EMC8: variants seen among roughly 807,000 people sequenced by gnomAD.
EMC8 encodes the protein COX4 neighbor.
Under a neutral mutation model 24.3 loss-of-function variants are expected in EMC8, and 11 were observed. That is an observed-to-expected ratio of 0.45 (90% CI 0.28 to 0.75). EMC8 has a LOEUF of 0.75. Among genes scored for constraint, EMC8 ranks in the 30% least tolerant of loss-of-function variants. The pLI is 0.12. For synonymous variants in EMC8, 145 were observed against 117.7 expected, an observed-to-expected ratio of 1.23 and a Z score of -1.50; for missense variants, 277 against 282.7, an observed-to-expected ratio of 0.98 and a Z score of 0.14.
At chr16:85,797,029 G>C (rs546987506) in intron 1 of EMC8, among the ~76,000 whole-genome samples, 2 of 152,172 alleles carry the variant, frequency 1.3e-5, no homozygotes, top group Non-Finnish European at 1.5e-5. Flanking sequence ...GAATAATCCC[G>C]CATAAATGCT....
chr16:85,781,157 G>A, intron 3 of EMC8, 54 bp downstream of exon 3: 1 of 1,287,126 alleles, frequency 7.8e-7, no homozygotes, highest in South Asian at 1.2e-5. Context: ...GCAAGCTCCA[G>A]GTTGGTGAGA....
In EMC8 at chr16:85,799,032, C is replaced by G. The variant is rs565246656; in HGVS notation, c.231+33G>C. On this transcript the variant is annotated intron_variant, in intron 1 of 4. Transcript: ENST00000253457. The surrounding 1 kb of genome is among the most constrained non-coding windows in gnomAD (Gnocchi z 4.2). ...TGCTGACTGAGGGGAGGCCAGGCTG[C>G]CTGCAAGGGGAAGGGGCCCTTTCCG... 94 of 1,424,690 alleles carry G rather than the reference C, an allele frequency of 6.6e-5. No individual in the cohort carries two copies. The African/African-American group carries it at 1.2e-3, about 18-fold the overall frequency. The allele number at this position is 1,424,690 out of a possible 1,614,324, so 88.3% of individuals were successfully genotyped here.
intron 2 of EMC8, chr16:85,788,772 T>C (rs2152074701): frequency 1.7e-6 from 1 of 587,914 alleles, no homozygotes; most frequent in Non-Finnish European, 3.0e-6. Flanking sequence ...CAAAACAGAA[T>C]TCCAAAGTTA....
At position 85,781,204 on chromosome 16, in the gene EMC8, G is replaced by C; in HGVS notation, c.378+7C>G. The C allele has an allele frequency of 6.2e-7, 1 of 1,611,178 alleles. No homozygotes were observed. The highest frequency in any genetic ancestry group is 2.2e-5 in the East Asian group (1 of 44,854). The stretch of plus-strand genomic sequence containing the variant: ...GGCCTCCCACATGCTGCACAGAAGC[G>C]ACTTACCATGATGAGCGCAGTGTCG... On this transcript the variant is annotated splice_region_variant and intron_variant, in intron 3 of 4. Coordinates refer to ENST00000253457, the MANE Select transcript of EMC8 (RefSeq NM_006067.5).
chr16:85,790,847 T>C (rs1242665976), intron 1 of EMC8, among the ~76,000 whole-genome samples: 1 of 152,146 alleles, frequency 6.6e-6, no homozygotes, highest in African/African-American at 2.4e-5. Context: ...CTTTTTTTTT[T>C]TGAGAGTCTC....
At chr16:85,793,421 GAGA>G (rs564755290) in intron 1 of EMC8, among the ~76,000 whole-genome samples, 5 of 152,208 alleles carry the variant, frequency 3.3e-5, no homozygotes, top group African/African-American at 7.2e-5. Flanking sequence ...TCTATGGAAT[GAGA>G]AGGAGTGGGA....
At position 85,799,183 on chromosome 16, in the gene EMC8, C is replaced by T; in HGVS notation, c.113G>A (p.Arg38His). 6.2e-7 allele frequency: 1 copy of T among 1,612,674 alleles called. No homozygotes were observed. The highest frequency in any genetic ancestry group is 8.5e-7 in the Non-Finnish European group (1 of 1,179,560). The change falls in exon 1 of 5, where the codon CGT becomes CAT. Residue 38 changes from arginine (R) to histidine (H), a missense_variant. Arg to His is a conservative substitution (Grantham distance 29). Transcript: ENST00000253457. This position sits in a 1 kb window ranked among gnomAD's most constrained non-coding sequence, Gnocchi z 4.2. ...GCCGCCCAGGGGGAGGTGCTCCTTA[C>T]GCGGCTTCTGCTTCTCGGCCACCAG... Reference protein sequence around the residue: ...GLLVAEKQKPRKEHLPLGGPG... With the variant: ...GLLVAEKQKPHKEHLPLGGPG...
chr16:85,784,455 G>A (rs777264277), intron 2 of EMC8: 8 of 152,082 alleles, frequency 5.3e-5, no homozygotes, highest in Non-Finnish European at 8.8e-5. Flanking sequence ...TTGTATTTTC[G>A]TTTTCAAAAT....
In EMC8 at chr16:85,799,244, C is replaced by T. The variant is rs770721766; in HGVS notation, c.52G>A (p.Gly18Ser). 3.1e-6 allele frequency: 5 copies of T among 1,612,946 alleles called. No homozygotes were observed. In the South Asian group the frequency reaches 4.4e-5, roughly 14 times the overall value. Residue 18 changes from glycine to serine, a missense_variant, in exon 1 of 5, where the codon GGC becomes AGC. Gly to Ser is a moderately conservative substitution (Grantham distance 56). Transcript: ENST00000253457. The surrounding 1 kb of genome is among the most constrained non-coding windows in gnomAD (Gnocchi z 4.2). ...ACGGCGCAGTGCGGGTACTTGGCGC[C>T]GTGCAGCACCATCTTGCAGTAGGCC... ...TQAYCKMVLH[G>S]AKYPHCAVNG...
chr16:85,786,819 C>A (rs1038476952), intron 2 of EMC8, among the ~76,000 whole-genome samples: 1 of 152,138 alleles, frequency 6.6e-6, no homozygotes, highest in Non-Finnish European at 1.5e-5. Flanking sequence ...GAGGTCAGCA[C>A]AGAGGTAAGA....
chr16:85,799,070 T>C lies in EMC8; in HGVS notation c.226A>G (p.Thr76Ala). Residue 76 changes from threonine (T) to alanine (A), a missense_variant, in exon 1 of 5, where the codon ACC (threonine) becomes GCC (alanine). Transcript: ENST00000253457. The surrounding 1 kb of genome is among the most constrained non-coding windows in gnomAD (Gnocchi z 4.2). ...GGGGCCCTTTCCGCGCTTACCAGGG[T>C]GAGAGCCACCTCCAGCATGGGGGCG... Reference protein sequence around the residue: ...ALAPMLEVALTLIDSWCKDHS... With the variant: ...ALAPMLEVALALIDSWCKDHS... 1 of 1,546,282 alleles carries C rather than the reference T, an allele frequency of 6.5e-7. No individual in the cohort carries two copies. Among genetic ancestry groups the C allele is most frequent in the Non-Finnish European group, 8.7e-7 (1 of 1,142,892 alleles).
chr16:85,782,719 C>G (rs1222789737), intron 2 of EMC8, among the ~76,000 whole-genome samples: 1 of 152,146 alleles, frequency 6.6e-6, no homozygotes, highest in Non-Finnish European at 1.5e-5. Context: ...CCGGAAGTCT[C>G]CTGACCACTG....
rs771769218 is a variant in EMC8 at position 85,780,389 on chromosome 16, C to T, written c.463G>A (p.Asp155Asn). The change falls in exon 4 of 5, where the codon GAC (aspartate) becomes AAC (asparagine). Residue 155 changes from aspartate (D) to asparagine (N), a missense_variant. Asp to Asn is a conservative substitution (Grantham distance 23, BLOSUM62 1). Coordinates refer to ENST00000253457, the MANE Select transcript of EMC8 (RefSeq NM_006067.5). ...EHHENRWRCR[D>N]PHHDYCEDWP... Reference sequence around the variant, plus strand: ...ATGGGGCGCACTCACTGGTGTGGGTCTCTGCACCGCCATCTGTTCTCATGG... The same window carrying T: ...ATGGGGCGCACTCACTGGTGTGGGTTTCTGCACCGCCATCTGTTCTCATGG... The T allele has an allele frequency of 2.4e-5, 38 of 1,613,856 alleles. No individual in the cohort carries two copies. Among genetic ancestry groups the T allele is most frequent in the South Asian group, 1.1e-5 (1 of 91,084 alleles).
At position 85,799,278 on chromosome 16, in the gene EMC8, C is replaced by G; in HGVS notation, c.18G>C (p.Leu6=). The change falls in exon 1 of 5, where the codon CTG becomes CTC. Residue 6 remains leucine, a synonymous_variant. Coordinates refer to ENST00000253457, the MANE Select transcript of EMC8 (RefSeq NM_006067.5). This position sits in a 1 kb window ranked among gnomAD's most constrained non-coding sequence, Gnocchi z 4.2. The part of the protein sequence containing the change: MPGVK[L]TTQAYCKMVL... The stretch of plus-strand genomic sequence containing the variant: ...CCATCTTGCAGTAGGCCTGGGTGGT[C>G]AGTTTCACCCCGGGCATGCTGACCC... 3 of 1,606,768 alleles carry G rather than the reference C, an allele frequency of 1.9e-6. No homozygotes were observed. Among genetic ancestry groups the G allele is most frequent in the Non-Finnish European group, 2.5e-6 (3 of 1,178,096 alleles).
At chr16:85,794,972 G>C (rs1002183224) in intron 1 of EMC8, among the ~76,000 whole-genome samples, 12 of 152,186 alleles carry the variant, frequency 7.9e-5, no homozygotes, top group African/African-American at 2.9e-4. Context: ...CTGGTAAGTG[G>C]TTTGGGAGGC....
At chr16:85,795,087 G>A (rs181487111) in intron 1 of EMC8, among the ~76,000 whole-genome samples, 46 of 152,034 alleles carry the variant, frequency 3.0e-4, no homozygotes, top group Admixed American at 7.9e-4. Flanking sequence ...TCCCATAGTC[G>A]GAACAGAAGT....
intron 1 of EMC8, among the ~76,000 whole-genome samples, chr16:85,795,563 GT>G (rs1217959690): frequency 6.6e-6 from 1 of 152,142 alleles, no homozygotes; most frequent in East Asian, 1.9e-4. Context: ...CCAGGAGAGG[GT>G]CCCCCCTAGA....
At chr16:85,780,838 C>T (rs1188487280) in intron 3 of EMC8, 1 of 438,060 alleles carries the variant, frequency 2.3e-6, no homozygotes, top group African/African-American at 2.0e-5. Flanking sequence ...TCTAATTGTG[C>T]TTCTCACACT....
chr16:85,787,836 TTA>T (rs1482512768), intron 2 of EMC8, among the ~76,000 whole-genome samples: 1 of 152,170 alleles, frequency 6.6e-6, no homozygotes, highest in Non-Finnish European at 1.5e-5. Context: ...GGTAAGATAA[TTA>T]TGTTTCTAAA....
Sources: allele counts gnomAD v4.1 joint callset (sites outside exome capture counted in the v4.1 genomes callset), GRCh38; gene constraint gnomAD v4.1.1; non-coding constraint Gnocchi (gnomAD v3.1); transcripts MANE v1.5; gene names NCBI Gene and HGNC (gene_info 2026-07-23, HGNC 2026-07-21).